LIMCH1: variants seen among roughly 807,000 people sequenced by gnomAD.
LIMCH1 encodes LIM and calponin homology domains 1, also known as LIM and calponin homology domains-containing protein 1.
A neutral mutation model predicts 176.5 loss-of-function variants in LIMCH1; 113 were observed. That is an observed-to-expected ratio of 0.64 (90% confidence interval 0.55 to 0.75). The LOEUF (loss-of-function observed/expected upper bound fraction) is 0.75. LIMCH1 is among the 30% of genes least tolerant of loss of function. The pLI, the probability that LIMCH1 is intolerant of heterozygous loss-of-function variation, is 0.00. For missense variants in LIMCH1, 1,674 were observed against 1,814.9 expected, an observed-to-expected ratio of 0.92 and a Z score of 1.41; for synonymous variants, 619 against 645.9, an observed-to-expected ratio of 0.96 and a Z score of 0.63.
At chr4:41,372,283 G>A (rs1033503309) in intron 1 of LIMCH1, among the ~76,000 whole-genome samples, 3 of 152,118 alleles carry the variant, frequency 2.0e-5, no homozygotes, top group Admixed American at 6.5e-5. Flanking sequence ...AATTTTTAGT[G>A]TTCTTGTTTT....
intron 1 of LIMCH1, among the ~76,000 whole-genome samples, chr4:41,560,447 C>CT (rs2081922446): frequency 6.6e-6 from 1 of 152,228 alleles, no homozygotes; most frequent in African/African-American, 2.4e-5. Context: ...AAGCAGCACT[C>CT]TGTTAATGGT....
intron 2 of LIMCH1, among the ~76,000 whole-genome samples, chr4:41,523,874 CT>C (rs986975748): frequency 2.0e-4 from 30 of 152,300 alleles, no homozygotes; most frequent in Admixed American, 1.0e-3. Flanking sequence ...ATTGGCTAAC[CT>C]CTTATTAAAC....
intron 2 of LIMCH1, among the ~76,000 whole-genome samples, chr4:41,523,671 G>T (rs905093034): frequency 2.0e-5 from 3 of 152,128 alleles, no homozygotes; most frequent in African/African-American, 7.2e-5. Context: ...AATTTTATAA[G>T]TTGCTTTCCT....
intron 23 of LIMCH1, 37 bp from the exon 24 acceptor site, chr4:41,679,969 G>C (rs746947939): frequency 7.1e-7 from 1 of 1,413,476 alleles, no homozygotes; most frequent in East Asian, 2.3e-5. Flanking sequence ...CGTATGCAAT[G>C]GTCAGTTGAG....
chr4:41,416,627 C>T (rs1393920225), intron 1 of LIMCH1, among the ~76,000 whole-genome samples: 2 of 147,516 alleles, frequency 1.4e-5, no homozygotes, highest in Non-Finnish European at 3.0e-5. Context: ...CACTGCACTC[C>T]AGCCTGGGCA....
At chr4:41,661,749 T>A (rs1260402970) in intron 19 of LIMCH1, among the ~76,000 whole-genome samples, 1 of 152,216 alleles carries the variant, frequency 6.6e-6, no homozygotes. Flanking sequence ...TTTTGTTTTT[T>A]AAAATATTTA....
intron 1 of LIMCH1, among the ~76,000 whole-genome samples, chr4:41,467,341 G>A (rs1371547077): frequency 6.6e-6 from 1 of 152,078 alleles, no homozygotes; most frequent in Non-Finnish European, 1.5e-5. Flanking sequence ...CAGTGTATTA[G>A]TTCGTTCTCA....
In LIMCH1 at chr4:41,680,957, G is replaced by A. The variant is rs1274818365; in HGVS notation, c.3615G>A (p.Glu1205=). The A allele has an allele frequency of 6.4e-7, 1 of 1,573,610 alleles. No homozygotes were observed. Among genetic ancestry groups the A allele is most frequent in the Admixed American group, 1.7e-5 (1 of 59,704 alleles). Residue 1205 remains glutamate (E), a splice_region_variant and synonymous_variant, in exon 25 of 32, where the codon GAG becomes GAA. Coordinates refer to ENST00000503057, the MANE Select transcript of LIMCH1 (RefSeq NM_001330672.2). ...EEEERRYYEE[E]RKIIEDTVVP... is the part of the protein sequence containing the mutation. ...TCGATTCCTGTCCTTCCCCTTAGGAGCGTAAGATAATTGAAGACACTGTGG... is the reference window on the plus strand; with the variant it reads ...TCGATTCCTGTCCTTCCCCTTAGGAACGTAAGATAATTGAAGACACTGTGG...
intron 1 of LIMCH1, among the ~76,000 whole-genome samples, chr4:41,572,869 C>CACTT (rs1303228453): frequency 6.6e-6 from 1 of 152,278 alleles, no homozygotes; most frequent in Middle Eastern, 3.4e-3. Context: ...AGGAGGCAGG[C>CACTT]ACTTCCCAAA....
intron 1 of LIMCH1, among the ~76,000 whole-genome samples, chr4:41,407,100 A>T (rs1156760925): frequency 6.6e-6 from 1 of 152,108 alleles, no homozygotes; most frequent in Non-Finnish European, 1.5e-5. Flanking sequence ...CCTCACTTTC[A>T]TGATAATGGA....
Position 41,444,309 on chromosome 4 carries a change from TATATACACACACAC to T in LIMCH1, c.97-50225_97-50212del, listed in dbSNP as rs1208499883. Among the ~76,000 whole-genome samples, 808 of 99,570 alleles carry T rather than the reference TATATACACACACAC, an allele frequency of 8.1e-3. 6 individuals carry two copies. Among genetic ancestry groups the T allele is most frequent in the African/African-American group, 0.022 (718 of 32,298 alleles). 65.3% of individuals were successfully genotyped at this position (99,570 alleles called of 152,430 possible). A position where few individuals can be genotyped will look rare whatever the true frequency, so the allele number is the denominator to read the frequency against. ...GTATGTGTGTGAGTGTGTGTGTATA[TATATACACACACAC>T]ACACACACACACACACACACACACA... On this transcript the variant is annotated intron_variant, in intron 1 of 26. Transcript: ENST00000313860.
chr4:41,371,903 A>T (rs1249558895), intron 1 of LIMCH1, among the ~76,000 whole-genome samples: 1 of 152,172 alleles, frequency 6.6e-6, no homozygotes, highest in Non-Finnish European at 1.5e-5. Context: ...TACATATGCG[A>T]TTGGGAAATA....
rs1225474657 is a variant in LIMCH1 at position 41,698,353 on chromosome 4, T to C, written c.*1168T>C. ...CATCACTTTTTTTGCTATCAAGAAC[T>C]CCGGACCTTGCCCATGGAGAAGTTT... On this transcript the variant is annotated 3_prime_UTR_variant, in exon 32 of 32. Coordinates refer to ENST00000503057, the MANE Select transcript of LIMCH1 (RefSeq NM_001330672.2). 1 of 152,210 alleles carries C rather than the reference T, an allele frequency of 6.6e-6. No individual in the cohort carries two copies. Among genetic ancestry groups the C allele is most frequent in the Non-Finnish European group, 1.5e-5 (1 of 68,060 alleles). The allele number at this position is 152,210 out of a possible 1,614,324, so 9.4% of individuals were successfully genotyped here.
At chr4:41,663,390 A>G (rs943199387) in intron 20 of LIMCH1, among the ~76,000 whole-genome samples, 2 of 152,064 alleles carry the variant, frequency 1.3e-5, no homozygotes, top group African/African-American at 4.8e-5. Context: ...AAAGTGTAAT[A>G]TAAGTTCTAA....
intron 20 of LIMCH1, among the ~76,000 whole-genome samples, chr4:41,666,128 T>C (rs996619623): frequency 2.6e-5 from 4 of 152,242 alleles, no homozygotes; most frequent in African/African-American, 9.6e-5. Context: ...CATTGAAAAG[T>C]AATACTACTT....
At chr4:41,635,016 C>A (rs538364881) in intron 13 of LIMCH1, among the ~76,000 whole-genome samples, 1 of 152,128 alleles carries the variant, frequency 6.6e-6, no homozygotes, top group Non-Finnish European at 1.5e-5. Flanking sequence ...TACATTTAGG[C>A]GCTCTCCCAT....
At chr4:41,616,868 G>A (rs187340474) in intron 5 of LIMCH1, among the ~76,000 whole-genome samples, 1 of 152,212 alleles carries the variant, frequency 6.6e-6, no homozygotes, top group Non-Finnish European at 1.5e-5. Context: ...AGATGGTAGA[G>A]CTGAAATTTT....
At chr4:41,506,932 T>A (rs1198572815) in intron 2 of LIMCH1, among the ~76,000 whole-genome samples, 3 of 151,876 alleles carry the variant, frequency 2.0e-5, no homozygotes, top group African/African-American at 7.3e-5. Flanking sequence ...CCCCCACCCC[T>A]CATTTAGATG....
At chr4:41,689,311 C>G (rs1723469145) in intron 29 of LIMCH1, among the ~76,000 whole-genome samples, 1 of 152,194 alleles carries the variant, frequency 6.6e-6, no homozygotes, top group Admixed American at 6.5e-5. Context: ...TTCAGTACCA[C>G]AGTGGAGACC....
Sources: gnomAD v4.1 joint callset for allele counts (sites outside exome capture counted in the v4.1 genomes callset) on GRCh38, gnomAD v4.1.1 for gene constraint, MANE v1.5 for transcripts, NCBI Gene and HGNC (gene_info 2026-07-23, HGNC 2026-07-21) for gene names.